Variants in SLC25A21 observed in about 807,000 individuals in gnomAD.
SLC25A21 encodes mitochondrial 2-oxodicarboxylate carrier.
A neutral mutation model predicts 43.8 loss-of-function variants in SLC25A21; 47 were observed. The observed-to-expected ratio is 1.07, with a 90% confidence interval of 0.85 to 1.37. The LOEUF is 1.37. Ranked by LOEUF, SLC25A21 falls within the 40% of genes most tolerant of loss-of-function variation. The pLI is 0.00. For synonymous variants in SLC25A21, 131 were observed against 121.3 expected, an observed-to-expected ratio of 1.08 and a Z score of -0.52; for missense variants, 352 against 350.2, an observed-to-expected ratio of 1.00 and a Z score of -0.04.
chr14:36,840,085 C>A (rs1384386895), intron 2 of SLC25A21, among the ~76,000 whole-genome samples: 1 of 152,172 alleles, frequency 6.6e-6, no homozygotes, highest in African/African-American at 2.4e-5. Context: ...ACAGCAGCAG[C>A]ACACAGGTGG....
chr14:37,057,254 T>C (rs1961850591), intron 1 of SLC25A21, among the ~76,000 whole-genome samples: 1 of 152,200 alleles, frequency 6.6e-6, no homozygotes, highest in Non-Finnish European at 1.5e-5. Flanking sequence ...AACAATTTTG[T>C]TTTGCTTTTA....
intron 1 of SLC25A21, among the ~76,000 whole-genome samples, chr14:37,110,231 G>A (rs1962993511): frequency 1.3e-5 from 2 of 152,168 alleles, no homozygotes; most frequent in African/African-American, 4.8e-5. Context: ...TATGTTAAGA[G>A]GTTGCATTGG....
At chr14:36,703,758 A>C (rs1475413068) in intron 7 of SLC25A21, among the ~76,000 whole-genome samples, 1 of 152,256 alleles carries the variant, frequency 6.6e-6, no homozygotes, top group African/African-American at 2.4e-5. Flanking sequence ...TAGTATTTTA[A>C]TGATTTTTAT....
chr14:37,106,177 G>C (rs1293248744), intron 1 of SLC25A21, among the ~76,000 whole-genome samples: 1 of 151,976 alleles, frequency 6.6e-6, no homozygotes, highest in Non-Finnish European at 1.5e-5. Context: ...AAAAAAAACA[G>C]AATAACAGCA....
intron 1 of SLC25A21, among the ~76,000 whole-genome samples, chr14:37,046,271 C>T (rs1961584049): frequency 6.6e-6 from 1 of 152,120 alleles, no homozygotes; most frequent in African/African-American, 2.4e-5. Flanking sequence ...AATGGGAAGG[C>T]TAGAGCATAT....
intron 8 of SLC25A21, 108 bp downstream of exon 8, chr14:36,684,636 A>G: frequency 1.0e-6 from 1 of 987,556 alleles, no homozygotes; most frequent in Non-Finnish European, 1.4e-6. Context: ...CTTAGACACA[A>G]GCTCCACTTA....
At chr14:36,839,591 T>C (rs1325539) in intron 2 of SLC25A21, among the ~76,000 whole-genome samples, 101,815 of 151,640 alleles carry the variant, frequency 0.67, 34,653 homozygotes, top group South Asian at 0.81. Context: ...TGGAGACAAG[T>C]ACAATTTGCA....
At chr14:36,742,622 G>A (rs540953303) in intron 3 of SLC25A21, among the ~76,000 whole-genome samples, 2 of 152,170 alleles carry the variant, frequency 1.3e-5, no homozygotes, top group East Asian at 3.9e-4. Flanking sequence ...TCTTTTAGAG[G>A]GAGGAAAAAC....
chr14:37,029,696 C>T (rs190645110), intron 1 of SLC25A21, among the ~76,000 whole-genome samples: 229 of 151,950 alleles, frequency 1.5e-3, no homozygotes, highest in African/African-American at 5.1e-3. Flanking sequence ...CCAACACCCC[C>T]ACACAGAAGA....
chr14:36,862,327 T>C (rs996090849), intron 2 of SLC25A21, among the ~76,000 whole-genome samples: 3 of 152,186 alleles, frequency 2.0e-5, no homozygotes, highest in Non-Finnish European at 2.9e-5. Context: ...TATTGCAGCA[T>C]TGTTCACAAT....
At chr14:37,021,701 G>A (rs1326337323) in intron 1 of SLC25A21, among the ~76,000 whole-genome samples, 1 of 151,980 alleles carries the variant, frequency 6.6e-6, no homozygotes, top group South Asian at 2.1e-4. Flanking sequence ...GGGCAGGGGA[G>A]GAAGGAGAGT....
intron 1 of SLC25A21, among the ~76,000 whole-genome samples, chr14:36,891,369 T>C (rs1366159023): frequency 6.6e-6 from 1 of 152,154 alleles, no homozygotes; most frequent in African/African-American, 2.4e-5. Flanking sequence ...GGTGACTTCA[T>C]AGGAGAGGTA....
chr14:36,785,198 G>A (rs1033785845), intron 3 of SLC25A21, among the ~76,000 whole-genome samples: 1 of 152,162 alleles, frequency 6.6e-6, no homozygotes, highest in African/African-American at 2.4e-5. Flanking sequence ...CTGGCACACA[G>A]GTGGATGCTT....
intron 7 of SLC25A21, among the ~76,000 whole-genome samples, chr14:36,709,879 AACTG>A (rs1883758515): frequency 6.6e-6 from 1 of 152,178 alleles, no homozygotes; most frequent in Non-Finnish European, 1.5e-5. Context: ...CTCTAAGGGA[AACTG>A]CCTGCTCGTG....
At chr14:36,742,430 G>C (rs1419939868) in intron 3 of SLC25A21, among the ~76,000 whole-genome samples, 2 of 151,940 alleles carry the variant, frequency 1.3e-5, no homozygotes, top group East Asian at 1.9e-4. Context: ...ACACCTTTAG[G>C]GCATTATTCT....
In SLC25A21 at chr14:37,013,430, T is replaced by C. The variant is rs144291827; in HGVS notation, c.71-138426A>G. 6.6e-3 allele frequency among the ~76,000 whole-genome samples: 1,011 copies of C among 152,310 alleles called. 12 individuals carry two copies. The highest frequency in any genetic ancestry group is 0.021 in the African/African-American group (890 of 41,570). On this transcript the variant is annotated intron_variant, in intron 1 of 9. Coordinates refer to ENST00000331299, the MANE Select transcript of SLC25A21 (RefSeq NM_030631.4). ...AGCTGCTCTGTGAAGTACACCAGGATGCTCCAAGGGGGAAAACGCTTCATC... is the reference window on the plus strand; with the variant it reads ...AGCTGCTCTGTGAAGTACACCAGGACGCTCCAAGGGGGAAAACGCTTCATC...
intron 1 of SLC25A21, among the ~76,000 whole-genome samples, chr14:36,951,168 C>G (rs192498059): frequency 5.0e-4 from 75 of 151,022 alleles, no homozygotes; most frequent in African/African-American, 1.6e-3. Context: ...AAACTACTCA[C>G]TACTTCTTTA....
chr14:36,752,566 A>G (rs913930883), intron 3 of SLC25A21, among the ~76,000 whole-genome samples: 3 of 152,228 alleles, frequency 2.0e-5, no homozygotes, highest in Non-Finnish European at 2.9e-5. Context: ...TACAGCCTTA[A>G]AAGAGGTTCT....
intron 1 of SLC25A21, among the ~76,000 whole-genome samples, chr14:37,054,282 C>T (rs1482313102): frequency 6.6e-6 from 1 of 152,150 alleles, no homozygotes; most frequent in East Asian, 1.9e-4. Flanking sequence ...TCTCTCAAAC[C>T]AGCCTATCTA....
Sources: allele counts gnomAD v4.1 joint callset (sites outside exome capture counted in the v4.1 genomes callset), GRCh38; gene constraint gnomAD v4.1.1; transcripts MANE v1.5; gene names NCBI Gene and HGNC (gene_info 2026-07-23, HGNC 2026-07-21).